NPAS3: variants seen among roughly 807,000 people sequenced by gnomAD.
NPAS3 encodes neuronal PAS domain protein 3.
NPAS3 carries 14 observed loss-of-function variants against 73.1 expected under a neutral mutation model. That is an observed-to-expected ratio of 0.19 (90% confidence interval 0.13 to 0.30). The LOEUF is 0.30. Ranked by LOEUF, NPAS3 falls within the 10% of genes least tolerant of loss-of-function variation. The pLI, the probability that NPAS3 is intolerant of heterozygous loss-of-function variation, is 1.00. For missense variants in NPAS3, 1,096 were observed against 1,250.0 expected (o/e 0.88, Z 1.86); for synonymous variants, 620 against 541.5 (o/e 1.14, Z -2.01).
At chr14:32,995,609 C>A (rs763356481) in intron 1 of NPAS3, among the ~76,000 whole-genome samples, 7 of 152,188 alleles carry the variant, frequency 4.6e-5, no homozygotes, top group Non-Finnish European at 8.8e-5. Flanking sequence ...CTTTGCCATG[C>A]TGTTCTTGTG....
intron 3 of NPAS3, among the ~76,000 whole-genome samples, chr14:33,318,000 C>T (rs2043278684): frequency 1.3e-5 from 2 of 151,884 alleles, no homozygotes; most frequent in Admixed American, 1.3e-4. Context: ...GGAATGTAGC[C>T]AAAAGAATCA....
intron 3 of NPAS3, among the ~76,000 whole-genome samples, chr14:33,263,995 C>T (rs2049074451): frequency 6.6e-6 from 1 of 152,116 alleles, no homozygotes; most frequent in Admixed American, 6.5e-5. Flanking sequence ...CGGCACTATT[C>T]ACAATAGCAA....
At chr14:33,188,605 T>C (rs943135744) in intron 2 of NPAS3, among the ~76,000 whole-genome samples, 7 of 152,236 alleles carry the variant, frequency 4.6e-5, no homozygotes, top group South Asian at 2.1e-4. Context: ...ATTTTCATTG[T>C]ATAGAAGACA....
chr14:33,050,873 TC>T (rs2040678402), intron 1 of NPAS3, among the ~76,000 whole-genome samples: 1 of 152,254 alleles, frequency 6.6e-6, no homozygotes, highest in African/African-American at 2.4e-5. Context: ...AAGTGCAAGT[TC>T]TGGGCTAAGC....
At chr14:33,793,808 G>C in intron 9 of NPAS3, 89 bp from the exon 10 acceptor site, 1 of 1,312,324 alleles carries the variant, frequency 7.6e-7, no homozygotes, top group Non-Finnish European at 1.0e-6. Flanking sequence ...CCCATTTTTA[G>C]GCTTAAGGTT....
intron 2 of NPAS3, among the ~76,000 whole-genome samples, chr14:33,183,199 G>A (rs911397181): frequency 1.3e-5 from 2 of 152,086 alleles, no homozygotes; most frequent in Non-Finnish European, 2.9e-5. Flanking sequence ...GCCGAGGCAG[G>A]CGGATCACTT....
intron 3 of NPAS3, among the ~76,000 whole-genome samples, chr14:33,267,409 A>G (rs1297539767): frequency 6.6e-6 from 1 of 152,126 alleles, no homozygotes; most frequent in Non-Finnish European, 1.5e-5. Context: ...TTATGAGAGG[A>G]CTGTAGACAT....
intron 4 of NPAS3, among the ~76,000 whole-genome samples, chr14:33,544,710 A>T (rs527961199): frequency 1.6e-5 from 2 of 126,028 alleles, no homozygotes; most frequent in South Asian, 4.9e-4. Context: ...TGTTTAAGTC[A>T]CCCAATCTGT....
At chr14:33,797,626 C>G (rs1417484652) in intron 11 of NPAS3, 45 bp downstream of exon 11, 2 of 1,604,312 alleles carry the variant, frequency 1.2e-6, no homozygotes, top group African/African-American at 2.7e-5. Context: ...GCTTGCCCAC[C>G]ACGCGCAGGG....
In NPAS3 at chr14:33,123,925, G is replaced by A. The variant is rs536365554; in HGVS notation, c.140+67931G>A. 2.2e-3 allele frequency among the ~76,000 whole-genome samples: 330 copies of A among 148,500 alleles called. 1 individual carries two copies. The highest frequency in any genetic ancestry group is 4.1e-3 in the Non-Finnish European group (279 of 67,440). On this transcript the variant is annotated intron_variant, in intron 2 of 11. Transcript: ENST00000356141. ...CCCTGAGACTGGAGTGCAGTGGTGG[G>A]ATCATAGCTCACTGCAATCTCCACT...
intron 2 of NPAS3, among the ~76,000 whole-genome samples, chr14:33,091,056 A>G (rs1256048207): frequency 6.6e-6 from 1 of 152,236 alleles, no homozygotes; most frequent in Admixed American, 6.5e-5. Context: ...TAAAATTGAC[A>G]CACTAACATC....
intron 5 of NPAS3, among the ~76,000 whole-genome samples, chr14:33,641,589 A>G (rs1380156719): frequency 1.3e-5 from 2 of 151,948 alleles, no homozygotes; most frequent in Non-Finnish European, 2.9e-5. Context: ...TCTATGTCTA[A>G]CTCATTTTTA....
intron 4 of NPAS3, among the ~76,000 whole-genome samples, chr14:33,556,541 T>C (rs1319532401): frequency 2.0e-5 from 3 of 152,244 alleles, no homozygotes; most frequent in Non-Finnish European, 2.9e-5. Context: ...GGTTGTTAGA[T>C]GCCAGCTAGA....
rs1491383211 is a variant in NPAS3, at chr14:33,335,030, T to TTGTGTGTGTGCG, written c.386-32146_386-32145insCGTGTGTGTGTG. Among the ~76,000 whole-genome samples the TTGTGTGTGTGCG allele has an allele frequency of 6.3e-3, 908 of 144,236 alleles. 29 individuals are homozygous for TTGTGTGTGTGCG. In the East Asian group the frequency reaches 0.091, roughly 14 times the overall value. 94.6% of individuals were successfully genotyped at this position (144,236 alleles called of 152,430 possible). A position where few individuals can be genotyped will look rare whatever the true frequency, so the allele number is the denominator to read the frequency against. The stretch of plus-strand genomic sequence containing the variant: ...CTTGCTATGGCTTAGTGGTATTCCA[T>TTGTGTGTGTGCG]TGTGTGTGTGTGCGTGTGTGTGTGT... On this transcript the variant is annotated intron_variant, in intron 3 of 11. Transcript: ENST00000356141.
chr14:33,557,679 G>A (rs1301594496), intron 4 of NPAS3, among the ~76,000 whole-genome samples: 1 of 152,206 alleles, frequency 6.6e-6, no homozygotes, highest in Non-Finnish European at 1.5e-5. Flanking sequence ...ATAAAATGTA[G>A]ATAATAACAG....
intron 4 of NPAS3, among the ~76,000 whole-genome samples, chr14:33,504,036 C>T (rs886157917): frequency 2.6e-5 from 4 of 151,938 alleles, no homozygotes; most frequent in African/African-American, 9.7e-5. Flanking sequence ...CAGTGCAAAA[C>T]TACAATTACT....
chr14:33,623,766 C>T (rs1350379691), intron 5 of NPAS3, among the ~76,000 whole-genome samples: 1 of 152,238 alleles, frequency 6.6e-6, no homozygotes, highest in East Asian at 1.9e-4. Context: ...TCACTTCCAT[C>T]CAGCCATCCT....
intron 2 of NPAS3, among the ~76,000 whole-genome samples, chr14:33,095,112 C>T (rs1353293021): frequency 6.6e-6 from 1 of 152,214 alleles, no homozygotes; most frequent in African/African-American, 2.4e-5. Flanking sequence ...ATCAAAGTGA[C>T]ATTTAAAAAT....
intron 4 of NPAS3, among the ~76,000 whole-genome samples, chr14:33,551,506 T>A (rs759043936): frequency 6.6e-6 from 1 of 152,218 alleles, no homozygotes; most frequent in Non-Finnish European, 1.5e-5. Context: ...GGCTGTACTT[T>A]CAGGTAAATA....
Sources: gnomAD v4.1 joint callset for allele counts (sites outside exome capture counted in the v4.1 genomes callset) on GRCh38, gnomAD v4.1.1 for gene constraint, MANE v1.5 for transcripts, NCBI Gene and HGNC (gene_info 2026-07-23, HGNC 2026-07-21) for gene names.